Variants in ATP8A1 observed in about 807,000 individuals in gnomAD.
ATP8A1 encodes the protein ATPase phospholipid transporting 8A1.
In ATP8A1, 90 loss-of-function variants were observed where a neutral mutation model predicts 177.7. That is an observed-to-expected ratio of 0.51 (90% CI 0.43 to 0.60). ATP8A1 has a LOEUF of 0.60. ATP8A1 is among the 20% of genes least tolerant of loss of function. The probability of loss-of-function intolerance (pLI) is 0.00; values close to 1 mark genes in which losing one functional copy is unlikely to be tolerated. For synonymous variants in ATP8A1, 493 were observed against 485.9 expected (o/e 1.01, Z -0.19); for missense variants, 1,072 against 1,392.8 (o/e 0.77, Z 3.67).
intron 16 of ATP8A1, 122 bp downstream of exon 16, chr4:42,555,842 CTAAA>C (rs145505019): frequency 4.3e-5 from 25 of 576,370 alleles, no homozygotes; most frequent in African/African-American, 1.7e-4. Context: ...AACTAACTAA[CTAAA>C]TAAATAAATA....
intron 25 of ATP8A1, among the ~76,000 whole-genome samples, chr4:42,483,859 G>A (rs971622234): frequency 6.6e-6 from 1 of 152,206 alleles, no homozygotes; most frequent in African/African-American, 2.4e-5. Flanking sequence ...ACATGAAGGA[G>A]AGCAGGTATC....
chr4:42,574,326 G>T (rs931203027), intron 14 of ATP8A1, among the ~76,000 whole-genome samples: 2 of 152,116 alleles, frequency 1.3e-5, no homozygotes, highest in African/African-American at 4.8e-5. Flanking sequence ...TTATAGTAGT[G>T]TAAAAGGAAA....
chr4:42,461,625 T>G (rs996531135), intron 27 of ATP8A1, among the ~76,000 whole-genome samples: 7 of 152,180 alleles, frequency 4.6e-5, no homozygotes, highest in Non-Finnish European at 7.3e-5. Context: ...GTTTTGGGTA[T>G]GTCTTCATCA....
intron 24 of ATP8A1, among the ~76,000 whole-genome samples, chr4:42,501,251 C>G (rs912848708): frequency 1.3e-5 from 2 of 152,214 alleles, no homozygotes; most frequent in East Asian, 3.8e-4. Context: ...AACTTACAAG[C>G]TACTGAAATA....
rs1017717710 is a variant in ATP8A1, at chr4:42,440,193, C to T, written c.3123+3372G>A. Among the ~76,000 whole-genome samples the T allele has an allele frequency of 7.2e-5, 11 of 152,352 alleles. No homozygotes were observed. In the South Asian group the frequency reaches 8.3e-4, roughly 11 times the overall value. ...TTCAGAATCCAACCACTTCTTACCA[C>T]TGCTGCCCTCCGGGCCCCACACACC... On this transcript the variant is annotated intron_variant, in intron 33 of 36. Transcript: ENST00000381668.
chr4:42,490,761 C>G (rs2153190399), intron 24 of ATP8A1, among the ~76,000 whole-genome samples: 1 of 152,266 alleles, frequency 6.6e-6, no homozygotes, highest in South Asian at 2.1e-4. Flanking sequence ...AACAAATAAA[C>G]CAAGACACAT....
At chr4:42,501,834 C>A (rs1291497052) in intron 24 of ATP8A1, among the ~76,000 whole-genome samples, 1 of 152,104 alleles carries the variant, frequency 6.6e-6, no homozygotes, top group Non-Finnish European at 1.5e-5. Context: ...TGTAAAGTCA[C>A]CACTTAACTC....
intron 6 of ATP8A1, among the ~76,000 whole-genome samples, chr4:42,596,595 A>C (rs1312493332): frequency 7.0e-6 from 1 of 143,682 alleles, no homozygotes; most frequent in East Asian, 2.2e-4. Context: ...TGAACCCAGG[A>C]GGTGGAGGTT....
chr4:42,545,425 C>T (rs561445899), intron 19 of ATP8A1, among the ~76,000 whole-genome samples: 1 of 152,292 alleles, frequency 6.6e-6, no homozygotes, highest in South Asian at 2.1e-4. Flanking sequence ...TGAATGAGAA[C>T]TCTCTTTTGT....
chr4:42,450,280 TA>T (rs978910373), intron 30 of ATP8A1, among the ~76,000 whole-genome samples: 3 of 152,068 alleles, frequency 2.0e-5, no homozygotes, highest in African/African-American at 2.4e-5. Flanking sequence ...TCCATAGAGA[TA>T]AAAAAAATGT....
At chr4:42,473,294 G>T (rs759118317) in intron 25 of ATP8A1, among the ~76,000 whole-genome samples, 6 of 152,134 alleles carry the variant, frequency 3.9e-5, no homozygotes, top group Admixed American at 2.0e-4. Flanking sequence ...TTTTATTGAG[G>T]TACTGTCCCG....
chr4:42,635,774 C>CATATATATATATATAT (rs1313230761), intron 1 of ATP8A1, among the ~76,000 whole-genome samples: 1 of 46,114 alleles, frequency 2.2e-5, no homozygotes, highest in Non-Finnish European at 4.7e-5. Flanking sequence ...CACACACACA[C>CATATATATATATATAT]ACACACACAT....
intron 5 of ATP8A1, 118 bp downstream of exon 5, chr4:42,615,915 C>T (rs2109451093): frequency 5.4e-6 from 5 of 926,600 alleles, no homozygotes; most frequent in Non-Finnish European, 8.2e-6. Context: ...ATCAATCTAC[C>T]CCAAAACAAA....
intron 29 of ATP8A1, among the ~76,000 whole-genome samples, chr4:42,453,656 T>TTCTGC (rs2153178809): frequency 1.3e-5 from 2 of 152,310 alleles, no homozygotes; most frequent in East Asian, 3.9e-4. Context: ...TGATTTGGGG[T>TTCTGC]AATTCTGTGA....
intron 5 of ATP8A1, among the ~76,000 whole-genome samples, chr4:42,601,996 A>AT (rs59533758): frequency 0.32 from 43,739 of 136,964 alleles, 6,275 homozygotes; most frequent in South Asian, 0.37. Context: ...TGTCTTAGCC[A>AT]TTTTTTTTTT....
At chr4:42,449,790 C>T (rs1481227206) in intron 30 of ATP8A1, among the ~76,000 whole-genome samples, 2 of 152,186 alleles carry the variant, frequency 1.3e-5, no homozygotes, top group Non-Finnish European at 2.9e-5. Flanking sequence ...AGCTGCGCAG[C>T]TTTCCAGAGA....
chr4:42,584,446 C>T (rs141019459), intron 9 of ATP8A1, among the ~76,000 whole-genome samples: 23 of 152,306 alleles, frequency 1.5e-4, no homozygotes, highest in African/African-American at 5.3e-4. Context: ...CTGTTCTAAT[C>T]AATTTCAATG....
At chr4:42,648,121 T>C (rs995348109) in intron 1 of ATP8A1, among the ~76,000 whole-genome samples, 2 of 152,204 alleles carry the variant, frequency 1.3e-5, no homozygotes, top group African/African-American at 4.8e-5. Context: ...GCCAATTCTC[T>C]TAATATAAAT....
intron 22 of ATP8A1, among the ~76,000 whole-genome samples, chr4:42,516,064 C>T (rs1476217422): frequency 6.6e-6 from 1 of 152,140 alleles, no homozygotes; most frequent in Admixed American, 6.5e-5. Flanking sequence ...TATTAAGCTC[C>T]AACTTCTGAA....
Sources: allele counts gnomAD v4.1 joint callset (sites outside exome capture counted in the v4.1 genomes callset), GRCh38; gene constraint gnomAD v4.1.1; transcripts MANE v1.5; gene names NCBI Gene and HGNC (gene_info 2026-07-23, HGNC 2026-07-21).